PDXP: variants seen among roughly 807,000 people sequenced by gnomAD.
PDXP encodes chronophin.
PDXP carries 15 observed loss-of-function variants against 14.4 expected under a neutral mutation model. That is an observed-to-expected ratio of 1.04 (90% CI 0.70 to 1.60). The LOEUF is 1.60. PDXP is among the 40% of genes most tolerant of loss of function. The pLI is 0.00. For missense variants in PDXP, 413 were observed against 427.6 expected (o/e 0.97, Z 0.30); for synonymous variants, 233 against 205.6 (o/e 1.13, Z -1.14).
rs1341126291 is a variant in PDXP, at chr22:37,659,129, A to AGGGGCTGCGCGCCGAGCTGCGCGCCGC, written c.358_384dup (p.Ala120_Arg128dup). The AGGGGCTGCGCGCCGAGCTGCGCGCCGC allele has an allele frequency of 3.0e-6, 3 of 1,016,274 alleles. No individual in the cohort carries two copies. Among genetic ancestry groups the AGGGGCTGCGCGCCGAGCTGCGCGCCGC allele is most frequent in the Non-Finnish European group, 3.5e-6 (3 of 852,776 alleles). 63.0% of individuals were successfully genotyped at this position (1,016,274 alleles called of 1,614,324 possible). The stretch of plus-strand genomic sequence containing the variant: ...GGCGCCGTGTTCGTGCTGGGCGGCG[A>AGGGGCTGCGCGCCGAGCTGCGCGCCGC]GGGGCTGCGCGCCGAGCTGCGCGCC... On this transcript the variant is annotated inframe_insertion, in exon 1 of 2. Transcript: ENST00000215904.
At chr22:37,664,226 C>G (rs1336957233) in intron 1 of PDXP, among the ~76,000 whole-genome samples, 4 of 148,862 alleles carry the variant, frequency 2.7e-5, no homozygotes, top group Non-Finnish European at 5.9e-5. Flanking sequence ...CCACGGTGCC[C>G]AGCCAGCTTT....
intron 1 of PDXP, chr22:37,664,805 T>C (rs751873427): frequency 1.3e-5 from 2 of 152,588 alleles, no homozygotes; most frequent in South Asian, 2.1e-4. Flanking sequence ...GTCCTCCTAT[T>C]GTTGGACACT....
intron 1 of PDXP, among the ~76,000 whole-genome samples, chr22:37,663,351 T>C (rs1470793122): frequency 6.6e-6 from 1 of 152,046 alleles, no homozygotes; most frequent in Non-Finnish European, 1.5e-5. Flanking sequence ...AAGCTGACTT[T>C]TTTTTGAGAC....
In PDXP at chr22:37,659,231, A is replaced by G. The variant is rs1212627309; in HGVS notation, c.449A>G (p.Tyr150Cys). ...CGCGTGCGCGCCGTGCTTGTGGGCT[A>G]CGACGAGCACTTCTCCTTCGCCAAG... ...APRVRAVLVG[Y>C]DEHFSFAKLR... The change falls in exon 1 of 2, where the codon TAC becomes TGC. Residue 150 changes from tyrosine to cysteine, a missense_variant. Physicochemically the swap from Tyr to Cys is radical, Grantham distance 194. Transcript: ENST00000215904. 4.6e-6 allele frequency: 6 copies of G among 1,317,280 alleles called. No homozygotes were observed. In the East Asian group the frequency reaches 1.4e-4, roughly 31 times the overall value. 81.6% of individuals were successfully genotyped at this position (1,317,280 alleles called of 1,614,324 possible). A position where few individuals can be genotyped will look rare whatever the true frequency, so the allele number is the denominator to read the frequency against.
At chr22:37,665,226 C>G in intron 1 of PDXP, 1 of 408,000 alleles carries the variant, frequency 2.5e-6, no homozygotes. Context: ...ACTGACCGAG[C>G]CAGGCCCTGT....
chr22:37,659,269 T>A lies in PDXP; in HGVS notation c.487T>A (p.Cys163Ser). The change falls in exon 1 of 2, where the codon TGC (cysteine) becomes AGC (serine). Residue 163 changes from cysteine (C) to serine (S), a missense_variant. Transcript: ENST00000215904. ...HFSFAKLREA[C>S]AHLRDPECLL... ...CTCCTTCGCCAAGCTGAGGGAGGCG[T>A]GCGCGCACCTGCGCGACCCCGAGTG... The A allele has an allele frequency of 7.6e-7, 1 of 1,317,410 alleles. No homozygotes were observed. The highest frequency in any genetic ancestry group is 2.4e-5 in the South Asian group (1 of 40,874). 81.6% of individuals were successfully genotyped at this position (1,317,410 alleles called of 1,614,324 possible). A position where few individuals can be genotyped will look rare whatever the true frequency, so the allele number is the denominator to read the frequency against.
In PDXP at chr22:37,659,196, CGCGGCCCCGCGCGT is replaced by C; in HGVS notation, c.418_431del (p.Ala140ArgfsTer35). The C allele has an allele frequency of 8.1e-7, 1 of 1,230,354 alleles. No homozygotes were observed. Among genetic ancestry groups the C allele is most frequent in the Non-Finnish European group, 1.0e-6 (1 of 984,744 alleles). 76.2% of individuals were successfully genotyped at this position (1,230,354 alleles called of 1,614,324 possible). A position where few individuals can be genotyped will look rare whatever the true frequency, so the allele number is the denominator to read the frequency against. On this transcript the variant is annotated frameshift_variant, in exon 1 of 2. Coordinates refer to ENST00000215904, the MANE Select transcript of PDXP (RefSeq NM_020315.5). LOFTEE classifies it high-confidence loss of function. ...CCGGGGACCCGAGCGCGGGGGACGG[CGCGGCCCCGCGCGT>C]GCGCGCCGTGCTTGTGGGCTACGAC...
At chr22:37,660,471 C>T (rs758472298) in intron 1 of PDXP, among the ~76,000 whole-genome samples, 1 of 152,228 alleles carries the variant, frequency 6.6e-6, no homozygotes, top group Admixed American at 6.5e-5. Context: ...GTGACACCGA[C>T]CTCCAGGGCA....
rs1601594895 is a variant in PDXP at position 37,659,093 on chromosome 22, C to T, written c.311C>T (p.Pro104Leu). ...RLLRQRLPGP[P>L]DAPGAVFVLG... ...CTGCGCCAGCGCCTGCCCGGGCCTC[C>T]GGACGCGCCGGGCGCCGTGTTCGTG... The change falls in exon 1 of 2, where the codon CCG becomes CTG. Residue 104 changes from proline (P) to leucine (L), a missense_variant. Transcript: ENST00000215904. 2 of 1,055,368 alleles carry T rather than the reference C, an allele frequency of 1.9e-6. No individual in the cohort carries two copies. The highest frequency in any genetic ancestry group is 7.3e-5 in the East Asian group (1 of 13,788). 65.4% of individuals were successfully genotyped at this position (1,055,368 alleles called of 1,614,324 possible).
intron 1 of PDXP, among the ~76,000 whole-genome samples, chr22:37,660,113 G>A (rs1230922524): frequency 1.3e-5 from 2 of 152,164 alleles, no homozygotes; most frequent in African/African-American, 2.4e-5. Flanking sequence ...GAGCCTAGGA[G>A]GTCAAGGCTG....
At chr22:37,661,321 G>T (rs1459317212) in intron 1 of PDXP, among the ~76,000 whole-genome samples, 1 of 150,682 alleles carries the variant, frequency 6.6e-6, no homozygotes, top group Non-Finnish European at 1.5e-5. Flanking sequence ...GCTTGATGCA[G>T]CTTTCAAACA....
At chr22:37,664,336 C>G (rs1921000516) in intron 1 of PDXP, among the ~76,000 whole-genome samples, 1 of 151,964 alleles carries the variant, frequency 6.6e-6, no homozygotes, top group Non-Finnish European at 1.5e-5. Flanking sequence ...CTCAAGCAAT[C>G]CTCCCACCTG....
chr22:37,659,756 C>G (rs959185748), intron 1 of PDXP, among the ~76,000 whole-genome samples: 1 of 152,136 alleles, frequency 6.6e-6, no homozygotes, highest in Non-Finnish European at 1.5e-5. Flanking sequence ...ACCTCAGTTC[C>G]AGGTCCAGCT....
intron 1 of PDXP, among the ~76,000 whole-genome samples, chr22:37,663,490 C>T (rs763931019): frequency 6.6e-6 from 1 of 151,872 alleles, no homozygotes; most frequent in South Asian, 2.1e-4. Flanking sequence ...AGGTATATGC[C>T]ACTGTACCCC....
At chr22:37,659,767 CCAGCTT>C (rs1933165640) in intron 1 of PDXP, among the ~76,000 whole-genome samples, 1 of 152,122 alleles carries the variant, frequency 6.6e-6, no homozygotes, top group African/African-American at 2.4e-5. Flanking sequence ...AGGTCCAGCT[CCAGCTT>C]CACAGCTGTG....
intron 1 of PDXP, chr22:37,665,030 C>T (rs1033577906): frequency 6.2e-6 from 1 of 160,908 alleles, no homozygotes; most frequent in African/African-American, 2.4e-5. Context: ...CAGCAGTAAC[C>T]ACAACTGCTA....
chr22:37,661,173 G>T (rs1253201332), intron 1 of PDXP, among the ~76,000 whole-genome samples: 2 of 152,178 alleles, frequency 1.3e-5, no homozygotes, highest in Non-Finnish European at 2.9e-5. Flanking sequence ...CACCTGCCTT[G>T]CAGGCGTCTG....
In PDXP at chr22:37,658,774, G is replaced by A. The variant is rs1933129656; in HGVS notation, c.-9G>A. 2.6e-6 allele frequency: 3 copies of A among 1,164,334 alleles called. No individual in the cohort carries two copies. The highest frequency in any genetic ancestry group is 8.4e-5 in the South Asian group (2 of 23,742). 72.1% of individuals were successfully genotyped at this position (1,164,334 alleles called of 1,614,324 possible). A position where few individuals can be genotyped will look rare whatever the true frequency, so the allele number is the denominator to read the frequency against. On this transcript the variant is annotated 5_prime_UTR_variant, in exon 1 of 2. Coordinates refer to ENST00000215904, the MANE Select transcript of PDXP (RefSeq NM_020315.5). ...GCGCGGCGCGGGAGGCCGGCGGCCGGCCGGCTGCATGGCGCGCTGCGAGAG... is the reference window on the plus strand; with the variant it reads ...GCGCGGCGCGGGAGGCCGGCGGCCGACCGGCTGCATGGCGCGCTGCGAGAG...
chr22:37,661,663 A>G (rs1270441668), intron 1 of PDXP, among the ~76,000 whole-genome samples: 1 of 152,158 alleles, frequency 6.6e-6, no homozygotes, highest in Non-Finnish European at 1.5e-5. Flanking sequence ...CCCTGAGGTC[A>G]GGATCTTTGT....
Sources: gnomAD v4.1 joint callset for allele counts (sites outside exome capture counted in the v4.1 genomes callset) on GRCh38, gnomAD v4.1.1 for gene constraint, MANE v1.5 for transcripts, NCBI Gene and HGNC (gene_info 2026-07-23, HGNC 2026-07-21) for gene names.